PARD6G: variants seen among roughly 807,000 people sequenced by gnomAD.
PARD6G encodes the protein partitioning defective 6 homolog gamma.
A neutral mutation model predicts 10.7 loss-of-function variants in PARD6G; 7 were observed. That is an observed-to-expected ratio of 0.66 (90% confidence interval 0.37 to 1.23). The LOEUF is 1.23. Among genes scored for constraint, PARD6G ranks in the 50% most tolerant of loss-of-function variants. The pLI is 0.02. For missense variants in PARD6G, 548 were observed against 571.8 expected (o/e 0.96, Z 0.42); for synonymous variants, 287 against 269.4 (o/e 1.07, Z -0.64).
chr18:80,190,780 T>C lies in PARD6G; in HGVS notation c.295+11930A>G, dbSNP rs536754971. The stretch of plus-strand genomic sequence containing the variant: ...ACAGAGACAACGCCTCTGACTCCTC[T>C]GTGAGGCCCTGCAGCCCCTGGAACT... On this transcript the variant is annotated intron_variant, in intron 2 of 2. Transcript: ENST00000353265. Among the ~76,000 whole-genome samples, 12 of 152,278 alleles carry C rather than the reference T, an allele frequency of 7.9e-5. No homozygotes were observed. In the East Asian group the frequency reaches 1.4e-3, roughly 17 times the overall value.
rs1303750680 is a variant in PARD6G, at chr18:80,158,185, C to CT, written c.*1585dup. ...TGAATTTAGTATTTGTTAAAAATCA[C>CT]TAAGTTCCACGTGACTTCTTATAGT... On this transcript the variant is annotated 3_prime_UTR_variant, in exon 3 of 3. Transcript: ENST00000353265. 2 of 152,174 alleles carry CT rather than the reference C, an allele frequency of 1.3e-5. No individual in the cohort carries two copies. The highest frequency in any genetic ancestry group is 4.1e-4 in the South Asian group (2 of 4,832). 9.4% of individuals were successfully genotyped at this position (152,174 alleles called of 1,614,324 possible).
rs866397271 is a variant in PARD6G, at chr18:80,175,522, C to G, written c.296-14916G>C. ...TTACGATCTTATTTAACCTTCATCA[C>G]CCCCTAAAGACACTGTCTCCAGATA... On this transcript the variant is annotated intron_variant, in intron 2 of 2. Coordinates refer to ENST00000353265, the MANE Select transcript of PARD6G (RefSeq NM_032510.4). This position sits in a 1 kb window ranked among gnomAD's most constrained non-coding sequence, Gnocchi z 6.7. 3.9e-5 allele frequency among the ~76,000 whole-genome samples: 6 copies of G among 152,290 alleles called. No individual in the cohort carries two copies. Among genetic ancestry groups the G allele is most frequent in the Admixed American group, 2.0e-4 (3 of 15,300 alleles).
rs139938747 is a variant in PARD6G at position 80,231,061 on chromosome 18, A to AG, written c.72+16215dup. Among the ~76,000 whole-genome samples, 2,369 of 152,358 alleles carry AG rather than the reference A, an allele frequency of 0.016. 34 individuals are homozygous for AG. Among genetic ancestry groups the AG allele is most frequent in the Admixed American group, 0.027 (406 of 15,306 alleles). On this transcript the variant is annotated intron_variant, in intron 1 of 2. Coordinates refer to ENST00000353265, the MANE Select transcript of PARD6G (RefSeq NM_032510.4). This position sits in a 1 kb window ranked among gnomAD's most constrained non-coding sequence, Gnocchi z 4.2. ...AATTCCAAATGGAAGGTCAGGGACA[A>AG]GGGGTGCCCTTTGTGAGAAGGAACA...
chr18:80,190,192 C>T (rs1476235890), intron 2 of PARD6G, among the ~76,000 whole-genome samples: 2 of 152,104 alleles, frequency 1.3e-5, no homozygotes, highest in Admixed American at 6.5e-5. Context: ...TGCTTAATAT[C>T]GTCAAGAGCC....
chr18:80,172,942 A>G (rs534706558), intron 2 of PARD6G, among the ~76,000 whole-genome samples: 1 of 152,360 alleles, frequency 6.6e-6, no homozygotes, highest in South Asian at 2.1e-4. Flanking sequence ...TTCTAAGTAA[A>G]GTAGCAAATA....
chr18:80,167,376 C>CT (rs2052743844), intron 2 of PARD6G, among the ~76,000 whole-genome samples: 1 of 152,034 alleles, frequency 6.6e-6, no homozygotes. Flanking sequence ...ATGGGCAGTG[C>CT]TGAGGACAGG....
At position 80,228,325 on chromosome 18, in the gene PARD6G, G is replaced by C. The variant is rs1410198998; in HGVS notation, c.72+18952C>G. Among the ~76,000 whole-genome samples the C allele has an allele frequency of 6.6e-6, 1 of 152,044 alleles. No individual in the cohort carries two copies. Among genetic ancestry groups the C allele is most frequent in the Non-Finnish European group, 1.5e-5 (1 of 67,984 alleles). On this transcript the variant is annotated intron_variant, in intron 1 of 2. Transcript: ENST00000353265. This position sits in a 1 kb window ranked among gnomAD's most constrained non-coding sequence, Gnocchi z 4.6. The stretch of plus-strand genomic sequence containing the variant: ...GAGCGGAGGGGAGGCCAGGGGAGGG[G>C]AGTTCCCGGACACACGGTCCTGGAG...
chr18:80,190,738 G>A (rs1966890508), intron 2 of PARD6G, among the ~76,000 whole-genome samples: 1 of 152,152 alleles, frequency 6.6e-6, no homozygotes, highest in South Asian at 2.1e-4. Context: ...GGCAGCTGTT[G>A]GGGGCTTAGG....
In PARD6G at chr18:80,175,421, C is replaced by T. The variant is rs919304440; in HGVS notation, c.296-14815G>A. On this transcript the variant is annotated intron_variant, in intron 2 of 2. Transcript: ENST00000353265. This position sits in a 1 kb window ranked among gnomAD's most constrained non-coding sequence, Gnocchi z 6.7. ...CAGCTGCCTTCTTCCTGTATCCCCA[C>T]GTGGCAGGGAGACCGAGATCTCTGG... 3.3e-5 allele frequency among the ~76,000 whole-genome samples: 5 copies of T among 152,204 alleles called. No homozygotes were observed. Among genetic ancestry groups the T allele is most frequent in the East Asian group, 1.9e-4 (1 of 5,198 alleles).
At chr18:80,208,382 T>G (rs1210020738) in intron 1 of PARD6G, among the ~76,000 whole-genome samples, 2 of 152,198 alleles carry the variant, frequency 1.3e-5, no homozygotes. Flanking sequence ...TGAAAATGCC[T>G]AAACCACCAT....
At chr18:80,224,619 G>C (rs1160847812) in intron 1 of PARD6G, among the ~76,000 whole-genome samples, 1 of 152,140 alleles carries the variant, frequency 6.6e-6, no homozygotes, top group Admixed American at 6.5e-5. Flanking sequence ...AGGCCGAGGC[G>C]GGCGGATCAC....
rs1967556227 is a variant in PARD6G, at chr18:80,246,853, C to A, written c.72+424G>T. ...CTTTGCAGCCTTGAAGGCGCCTTGG[C>A]CAGGGCCATCCCACGGCCCGGGCCC... On this transcript the variant is annotated intron_variant, in intron 1 of 2. Coordinates refer to ENST00000353265, the MANE Select transcript of PARD6G (RefSeq NM_032510.4). The surrounding 1 kb of genome is among the most constrained non-coding windows in gnomAD (Gnocchi z 6.7). 6.6e-6 allele frequency among the ~76,000 whole-genome samples: 1 copy of A among 152,084 alleles called. No individual in the cohort carries two copies. The highest frequency in any genetic ancestry group is 6.5e-5 in the Admixed American group (1 of 15,284).
At chr18:80,233,957 A>G (rs1442735043) in intron 1 of PARD6G, among the ~76,000 whole-genome samples, 1 of 152,162 alleles carries the variant, frequency 6.6e-6, no homozygotes, top group African/African-American at 2.4e-5. Flanking sequence ...CCCTCGAGAC[A>G]CAAAGGCTTC....
chr18:80,171,333 C>T (rs1400094880), intron 2 of PARD6G: 2 of 152,170 alleles, frequency 1.3e-5, no homozygotes, highest in Non-Finnish European at 2.9e-5. Context: ...TGGGAAGTCT[C>T]CGGAACAGAA....
At chr18:80,167,343 T>G (rs571219923) in intron 2 of PARD6G, among the ~76,000 whole-genome samples, 1 of 147,700 alleles carries the variant, frequency 6.8e-6, no homozygotes, top group South Asian at 2.1e-4. Flanking sequence ...GTGTTGCGTG[T>G]GGATGTGTGT....
chr18:80,172,686 G>T lies in PARD6G; in HGVS notation c.296-12080C>A, dbSNP rs1184735769. On this transcript the variant is annotated intron_variant, in intron 2 of 2. Transcript: ENST00000353265. ...AGACATGCACCACCATGCCCAGCTG[G>T]GTTGTCTTTTCTATTGACGTGAGTA... Among the ~76,000 whole-genome samples, 26 of 152,100 alleles carry T rather than the reference G, an allele frequency of 1.7e-4. 1 individual carries two copies. The highest frequency in any genetic ancestry group is 1.7e-3 in the Admixed American group (26 of 15,278).
chr18:80,242,038 A>G (rs1967495401), intron 1 of PARD6G, among the ~76,000 whole-genome samples: 1 of 152,180 alleles, frequency 6.6e-6, no homozygotes, highest in Admixed American at 6.5e-5. Flanking sequence ...GTCCTAGGAA[A>G]GGGCTCTACC....
Position 80,246,451 on chromosome 18 carries a change from G to A in PARD6G, c.72+826C>T, listed in dbSNP as rs1967548480. On this transcript the variant is annotated intron_variant, in intron 1 of 2. Coordinates refer to ENST00000353265, the MANE Select transcript of PARD6G (RefSeq NM_032510.4). The surrounding 1 kb of genome is among the most constrained non-coding windows in gnomAD (Gnocchi z 6.7). ...CCGCAAGTTCGGGCACGCTCCGCCC[G>A]GGCGCAGGCAGCGGGAGGGGCCGGG... Among the ~76,000 whole-genome samples, 1 of 152,172 alleles carries A rather than the reference G, an allele frequency of 6.6e-6. No homozygotes were observed. The highest frequency in any genetic ancestry group is 6.5e-5 in the Admixed American group (1 of 15,292).
intron 2 of PARD6G, chr18:80,170,853 C>A (rs1282423155): frequency 6.6e-6 from 1 of 152,206 alleles, no homozygotes; most frequent in Admixed American, 6.5e-5. Context: ...CAGGTCCAAT[C>A]TGTGCACTTG....
Sources: allele counts gnomAD v4.1 joint callset (sites outside exome capture counted in the v4.1 genomes callset), GRCh38; gene constraint gnomAD v4.1.1; non-coding constraint Gnocchi (gnomAD v3.1); transcripts MANE v1.5; gene names NCBI Gene and HGNC (gene_info 2026-07-23, HGNC 2026-07-21).